The following F13A1 variants were observed in gnomAD, a reference collection of about 807,000 sequenced individuals.
The protein encoded by F13A1 is coagulation factor XIII A chain.
F13A1 carries 47 observed loss-of-function variants against 80.1 expected under a neutral mutation model. The observed-to-expected ratio is 0.59, with a 90% CI of 0.46 to 0.75. The LOEUF is 0.75. F13A1 is among the 30% of genes least tolerant of loss of function. F13A1 has a pLI of 0.00. For synonymous variants in F13A1, 349 were observed against 344.9 expected, an observed-to-expected ratio of 1.01 and a Z score of -0.13; for missense variants, 817 against 930.4, an observed-to-expected ratio of 0.88 and a Z score of 1.59.
At chr6:6,273,118 G>A (rs180691070) in intron 3 of F13A1, among the ~76,000 whole-genome samples, 1 of 152,140 alleles carries the variant, frequency 6.6e-6, no homozygotes, top group East Asian at 1.9e-4. Flanking sequence ...ACTCTCTTGG[G>A]GTCTGCATCG....
At chr6:6,192,409 G>C (rs1409853541) in intron 10 of F13A1, among the ~76,000 whole-genome samples, 1 of 152,190 alleles carries the variant, frequency 6.6e-6, no homozygotes, top group East Asian at 1.9e-4. Context: ...AGAGCTCAGA[G>C]GGTAACGATA....
chr6:6,305,267 G>A (rs1758495548), intron 3 of F13A1, 84 bp downstream of exon 3: 8 of 1,461,852 alleles, frequency 5.5e-6, no homozygotes, highest in Non-Finnish European at 7.7e-6. Flanking sequence ...ATGACACTAG[G>A]AAATCACACA....
At chr6:6,190,825 C>T (rs1173784788) in intron 10 of F13A1, among the ~76,000 whole-genome samples, 27 of 151,846 alleles carry the variant, frequency 1.8e-4, no homozygotes, top group Admixed American at 9.8e-4. Flanking sequence ...CCCCCAGCCT[C>T]GCTGCCGCCT....
chr6:6,271,853 C>T (rs1489554704), intron 3 of F13A1, among the ~76,000 whole-genome samples: 1 of 152,234 alleles, frequency 6.6e-6, no homozygotes, highest in East Asian at 1.9e-4. Flanking sequence ...GTCTCATTGT[C>T]CCTTTACTGA....
intron 4 of F13A1, among the ~76,000 whole-genome samples, chr6:6,253,153 AAAAAAAAAAAGAG>A (rs1378022644): frequency 2.1e-5 from 3 of 143,398 alleles, no homozygotes; most frequent in Non-Finnish European, 3.0e-5. Flanking sequence ...AAAAAAAAAA[AAAAAAAAAAAGAG>A]AGAGAGAGAG....
At chr6:6,202,771 T>G (rs553948889) in intron 8 of F13A1, among the ~76,000 whole-genome samples, 9 of 152,364 alleles carry the variant, frequency 5.9e-5, no homozygotes, top group African/African-American at 2.2e-4. Context: ...CTGCTTTATG[T>G]TTCTTCCTGT....
intron 3 of F13A1, among the ~76,000 whole-genome samples, chr6:6,292,304 A>G (rs1026466603): frequency 1.3e-5 from 2 of 152,140 alleles, no homozygotes; most frequent in African/African-American, 2.4e-5. Flanking sequence ...TGGAAGTGCT[A>G]GCATCTGTCA....
rs192291150 is a variant in F13A1 at position 6,244,841 on chromosome 6, G to A, written c.798+3471C>T. On this transcript the variant is annotated intron_variant, in intron 6 of 14. Coordinates refer to ENST00000264870, the MANE Select transcript of F13A1 (RefSeq NM_000129.4). ...CCAATCCCTCGACACGAGCTGAGTC[G>A]CTTCCCATATGATGCTGCCTTCACT... 1.1e-4 allele frequency among the ~76,000 whole-genome samples: 16 copies of A among 152,284 alleles called. No homozygotes were observed. In the East Asian group the frequency reaches 1.9e-3, roughly 18 times the overall value.
intron 3 of F13A1, among the ~76,000 whole-genome samples, chr6:6,273,651 T>G (rs1321516567): frequency 6.6e-6 from 1 of 152,166 alleles, no homozygotes; most frequent in African/African-American, 2.4e-5. Flanking sequence ...GATTCATTTG[T>G]TTTTCCCAAG....
intron 3 of F13A1, among the ~76,000 whole-genome samples, chr6:6,282,158 G>T (rs1303304612): frequency 6.6e-6 from 1 of 152,166 alleles, no homozygotes; most frequent in Admixed American, 6.5e-5. Flanking sequence ...CTAGGATCTA[G>T]ACCTTGGTTT....
In F13A1 at chr6:6,153,670, C is replaced by G. The variant is rs148728063; in HGVS notation, c.1909-1721G>C. Among the ~76,000 whole-genome samples, 81 of 152,264 alleles carry G rather than the reference C, an allele frequency of 5.3e-4. 2 individuals are homozygous for G. The East Asian group carries it at 0.015, about 28-fold the overall frequency. On this transcript the variant is annotated intron_variant, in intron 13 of 14. Transcript: ENST00000264870. ...GCAGGTGCACCTAGACAGCATGGAT[C>G]GTGTGCCAGGCAGGGAGTCCAGCAC...
chr6:6,186,425 T>A (rs1246789407), intron 10 of F13A1, among the ~76,000 whole-genome samples: 1 of 152,242 alleles, frequency 6.6e-6, no homozygotes, highest in Non-Finnish European at 1.5e-5. Flanking sequence ...GGATCCAGTT[T>A]CAGCTTTCCA....
chr6:6,168,347 C>G (rs1760713545), intron 12 of F13A1, among the ~76,000 whole-genome samples: 1 of 152,200 alleles, frequency 6.6e-6, no homozygotes, highest in Non-Finnish European at 1.5e-5. Flanking sequence ...CCTGGCTCCC[C>G]TCCAATTACC....
chr6:6,248,568 T>C (rs1026820898), intron 5 of F13A1, 149 bp from the exon 6 acceptor site: 8 of 690,068 alleles, frequency 1.2e-5, no homozygotes, highest in African/African-American at 3.6e-5. Context: ...GTATGAAATA[T>C]TAAAGTAGAA....
intron 13 of F13A1, among the ~76,000 whole-genome samples, chr6:6,161,960 C>T (rs961297400): frequency 1.3e-5 from 2 of 152,178 alleles, no homozygotes; most frequent in African/African-American, 4.8e-5. Context: ...AAAGGGGAAT[C>T]AGGTAAGAAC....
intron 8 of F13A1, among the ~76,000 whole-genome samples, chr6:6,219,839 T>G (rs1015334146): frequency 6.6e-6 from 1 of 152,176 alleles, no homozygotes; most frequent in Admixed American, 6.5e-5. Context: ...TTCTGACCGC[T>G]TTGATGTACT....
intron 3 of F13A1, among the ~76,000 whole-genome samples, chr6:6,294,934 C>A (rs981032808): frequency 1.5e-5 from 2 of 137,328 alleles, no homozygotes; most frequent in African/African-American, 5.5e-5. Flanking sequence ...GTGATGTTCC[C>A]CTTCCTGTGT....
At chr6:6,235,032 T>C (rs1219039098) in intron 6 of F13A1, among the ~76,000 whole-genome samples, 2 of 152,020 alleles carry the variant, frequency 1.3e-5, no homozygotes. Flanking sequence ...GGAAATTTTA[T>C]GGATAAAGGA....
At chr6:6,239,569 G>A (rs1293248369) in intron 6 of F13A1, among the ~76,000 whole-genome samples, 1 of 152,130 alleles carries the variant, frequency 6.6e-6, no homozygotes. Context: ...GCTCTGATAG[G>A]GGTGGGTAAT....
Sources: allele counts gnomAD v4.1 joint callset (sites outside exome capture counted in the v4.1 genomes callset), GRCh38; gene constraint gnomAD v4.1.1; transcripts MANE v1.5; gene names NCBI Gene and HGNC (gene_info 2026-07-23, HGNC 2026-07-21).